TAFA5: variants seen among roughly 807,000 people sequenced by gnomAD.
TAFA5 encodes chemokine-like protein TAFA-5.
A neutral mutation model predicts 15.3 loss-of-function variants in TAFA5; 6 were observed. The observed-to-expected ratio is 0.39, with a 90% CI of 0.21 to 0.77. The LOEUF is 0.77. Among genes scored for constraint, TAFA5 ranks in the 30% least tolerant of loss-of-function variants. The probability of loss-of-function intolerance (pLI) is 0.41; values close to 1 mark genes in which losing one functional copy is unlikely to be tolerated. For missense variants in TAFA5, 161 were observed against 193.1 expected, an observed-to-expected ratio of 0.83 and a Z score of 0.98; for synonymous variants, 103 against 80.7, an observed-to-expected ratio of 1.28 and a Z score of -1.48.
intron 1 of TAFA5, among the ~76,000 whole-genome samples, chr22:48,574,617 G>C (rs1292204988): frequency 6.6e-6 from 1 of 152,214 alleles, no homozygotes; most frequent in Non-Finnish European, 1.5e-5. Context: ...GCGGGCACCA[G>C]CACTGCCCCC....
Position 48,751,023 on chromosome 22 carries a change from G to C in TAFA5, c.*1176G>C, listed in dbSNP as rs932883762. 1.3e-5 allele frequency: 2 copies of C among 152,342 alleles called. No individual in the cohort carries two copies. Among genetic ancestry groups the C allele is most frequent in the Non-Finnish European group, 1.5e-5 (1 of 68,042 alleles). The allele number at this position is 152,342 out of a possible 1,614,324, so 9.4% of individuals were successfully genotyped here. A position where few individuals can be genotyped will look rare whatever the true frequency, so the allele number is the denominator to read the frequency against. On this transcript the variant is annotated 3_prime_UTR_variant, in exon 4 of 4. Transcript: ENST00000402357. ...CGGAAGGCGGGACTCTGGGAGAAGC[G>C]TGCGGAGGACCGTGGCGTCGGCGTC... is the stretch of plus-strand genomic sequence containing the variant.
chr22:48,528,935 AG>A (rs1921869613), intron 1 of TAFA5, among the ~76,000 whole-genome samples: 1 of 152,126 alleles, frequency 6.6e-6, no homozygotes, highest in African/African-American at 2.4e-5. Flanking sequence ...GGAGACAATG[AG>A]GGGGTACATT....
chr22:48,719,116 C>G (rs1015045548), intron 3 of TAFA5, among the ~76,000 whole-genome samples: 5 of 152,210 alleles, frequency 3.3e-5, no homozygotes, highest in African/African-American at 1.2e-4. Context: ...TTTTGAATCC[C>G]GTGTGGGGAG....
At chr22:48,607,198 C>G (rs1357450373) in intron 1 of TAFA5, among the ~76,000 whole-genome samples, 1 of 151,928 alleles carries the variant, frequency 6.6e-6, no homozygotes, top group East Asian at 1.9e-4. Flanking sequence ...GGCTGGCCCA[C>G]CCATCCCAGG....
rs559262248 is a variant in TAFA5 at position 48,705,287 on chromosome 22, G to A, written c.263-2430G>A. ...TGGCTGGGACACAGCACCCCACAGC[G>A]TCCTCTGCCGTGGGTGCTGTGGCAG... On this transcript the variant is annotated intron_variant, in intron 2 of 3. Coordinates refer to ENST00000402357, the MANE Select transcript of TAFA5 (RefSeq NM_001082967.3). 4.8e-3 allele frequency among the ~76,000 whole-genome samples: 726 copies of A among 152,216 alleles called. 4 individuals carry two copies. Among genetic ancestry groups the A allele is most frequent in the African/African-American group, 0.017 (700 of 41,542 alleles).
In TAFA5 at chr22:48,612,493, G is replaced by A. The variant is rs113838760; in HGVS notation, c.113-34104G>A. On this transcript the variant is annotated intron_variant, in intron 1 of 3. Transcript: ENST00000402357. Reference sequence around the variant, plus strand: ...GCCTTCCCTGGGGCCCTGTCCCTGGGCACAGGTGGCCTCGTCTCTCCTGGA... The same window carrying A: ...GCCTTCCCTGGGGCCCTGTCCCTGGACACAGGTGGCCTCGTCTCTCCTGGA... 8.6e-3 allele frequency among the ~76,000 whole-genome samples: 1,302 copies of A among 152,212 alleles called. 15 individuals are homozygous for A. The highest frequency in any genetic ancestry group is 0.028 in the African/African-American group (1,149 of 41,542).
intron 1 of TAFA5, among the ~76,000 whole-genome samples, chr22:48,500,565 G>A (rs576192987): frequency 3.9e-5 from 6 of 152,352 alleles, no homozygotes; most frequent in African/African-American, 1.2e-4. Flanking sequence ...TGTGGAAGGC[G>A]CCGGGCCCGC....
At chr22:48,686,296 G>A (rs1928351453) in intron 2 of TAFA5, among the ~76,000 whole-genome samples, 1 of 152,214 alleles carries the variant, frequency 6.6e-6, no homozygotes, top group Non-Finnish European at 1.5e-5. Context: ...GTTTCTCACA[G>A]CTCTGGAGGC....
Position 48,707,701 on chromosome 22 carries a change from C to CT in TAFA5, c.263-15dup, listed in dbSNP as rs773399508. ...TGAGAGTAGCACGCTGATTGCCTCTCTCTTTTCTCCCACAGCAAGAATCAT... is the reference window on the plus strand; with the variant it reads ...TGAGAGTAGCACGCTGATTGCCTCTCTTCTTTTCTCCCACAGCAAGAATCAT... On this transcript the variant is annotated splice_polypyrimidine_tract_variant and intron_variant, in intron 2 of 3. Coordinates refer to ENST00000402357, the MANE Select transcript of TAFA5 (RefSeq NM_001082967.3). The CT allele has an allele frequency of 6.2e-6, 10 of 1,613,348 alleles. No individual in the cohort carries two copies. In the South Asian group the frequency reaches 9.9e-5, roughly 16 times the overall value.
At chr22:48,639,551 C>T (rs80157907) in intron 1 of TAFA5, among the ~76,000 whole-genome samples, 2,819 of 152,264 alleles carry the variant, frequency 0.019, 91 homozygotes, top group African/African-American at 0.064. Flanking sequence ...GCCTGTTTCC[C>T]GCCAGGGAGG....
At chr22:48,544,821 C>T in intron 1 of TAFA5, 2 of 471,262 alleles carry the variant, frequency 4.2e-6, no homozygotes, top group Non-Finnish European at 8.8e-6. Flanking sequence ...AAGGTGTGGC[C>T]TGGGGTCCCA....
At chr22:48,590,083 C>T (rs1924508391) in intron 1 of TAFA5, among the ~76,000 whole-genome samples, 1 of 151,922 alleles carries the variant, frequency 6.6e-6, no homozygotes. Context: ...GGGTCTGATT[C>T]GGGTCCACCT....
At chr22:48,708,295 C>T (rs1340594846) in intron 3 of TAFA5, among the ~76,000 whole-genome samples, 9 of 152,086 alleles carry the variant, frequency 5.9e-5, no homozygotes, top group Non-Finnish European at 1.0e-4. Flanking sequence ...CAGGTGTGCT[C>T]CTTCCGTCCC....
chr22:48,529,256 T>TC (rs67269539), intron 1 of TAFA5, among the ~76,000 whole-genome samples: 135 of 48,468 alleles, frequency 2.8e-3, no homozygotes, highest in East Asian at 0.019. Context: ...GATGGGGGTG[T>TC]CAGGCAGGAG....
chr22:48,531,658 A>G (rs1921977057), intron 1 of TAFA5, among the ~76,000 whole-genome samples: 1 of 150,086 alleles, frequency 6.7e-6, no homozygotes, highest in African/African-American at 2.5e-5. Context: ...AAATGCCTTT[A>G]GACCCCCAGC....
chr22:48,516,599 G>A (rs1040993264), intron 1 of TAFA5, among the ~76,000 whole-genome samples: 1 of 152,238 alleles, frequency 6.6e-6, no homozygotes, highest in South Asian at 2.1e-4. Context: ...AACGTTGCAG[G>A]GTGAAGCCAG....
At chr22:48,629,748 G>C (rs1448235239) in intron 1 of TAFA5, among the ~76,000 whole-genome samples, 4 of 152,196 alleles carry the variant, frequency 2.6e-5, no homozygotes, top group Non-Finnish European at 5.9e-5. Flanking sequence ...ACCACTGCAG[G>C]AAACCCTGGG....
rs551222638 is a variant in TAFA5 at position 48,542,188 on chromosome 22, G to A, written c.112+52484G>A. ...TGTGTGCATGTGTGATGTGTGTGTCGTGTGTATGTGTGTGTGATGTACATG... is the reference window on the plus strand; with the variant it reads ...TGTGTGCATGTGTGATGTGTGTGTCATGTGTATGTGTGTGTGATGTACATG... On this transcript the variant is annotated intron_variant, in intron 1 of 3. Transcript: ENST00000402357. Among the ~76,000 whole-genome samples the A allele has an allele frequency of 1.5e-4, 21 of 142,320 alleles. No homozygotes were observed. The East Asian group carries it at 3.0e-3, about 20-fold the overall frequency. 93.4% of individuals were successfully genotyped at this position (142,320 alleles called of 152,430 possible).
Position 48,489,850 on chromosome 22 carries a change from C to A in TAFA5, c.112+146C>A. 1 of 439,944 alleles carries A rather than the reference C, an allele frequency of 2.3e-6. No homozygotes were observed. The highest frequency in any genetic ancestry group is 3.9e-6 in the Non-Finnish European group (1 of 258,150). 27.3% of individuals were successfully genotyped at this position (439,944 alleles called of 1,614,324 possible). On this transcript the variant is annotated intron_variant, in intron 1 of 3. Transcript: ENST00000402357. The surrounding 1 kb of genome is among the most constrained non-coding windows in gnomAD (Gnocchi z 5.5). Reference sequence around the variant, plus strand: ...ATGGTCCCCCGAGTCCCGGCCGGTCCAACGCTGCGCTGGGCGGGCGAGAGG... The same window carrying A: ...ATGGTCCCCCGAGTCCCGGCCGGTCAAACGCTGCGCTGGGCGGGCGAGAGG...
Sources: allele counts gnomAD v4.1 joint callset (sites outside exome capture counted in the v4.1 genomes callset), GRCh38; gene constraint gnomAD v4.1.1; non-coding constraint Gnocchi (gnomAD v3.1); transcripts MANE v1.5; gene names NCBI Gene and HGNC (gene_info 2026-07-23, HGNC 2026-07-21).